JAZF1: variants seen among roughly 807,000 people sequenced by gnomAD.
JAZF1 encodes juxtaposed with another zinc finger protein 1.
A neutral mutation model predicts 26.4 loss-of-function variants in JAZF1; 8 were observed. That is an observed-to-expected ratio of 0.30 (90% CI 0.18 to 0.55). The LOEUF is 0.55. Ranked by LOEUF, JAZF1 falls within the 20% of genes least tolerant of loss-of-function variation. The pLI is 0.94. For synonymous variants in JAZF1, 126 were observed against 122.3 expected, an observed-to-expected ratio of 1.03 and a Z score of -0.20; for missense variants, 199 against 322.0, an observed-to-expected ratio of 0.62 and a Z score of 2.92.
intron 2 of JAZF1, among the ~76,000 whole-genome samples, chr7:27,969,314 A>G (rs185400561): frequency 6.6e-6 from 1 of 152,214 alleles, no homozygotes; most frequent in Non-Finnish European, 1.5e-5. Flanking sequence ...TAGGGGAGAG[A>G]GGACGTTGGC....
intron 1 of JAZF1, among the ~76,000 whole-genome samples, chr7:28,017,418 CTATGTTCTCAAACAA>C (rs1464611737): frequency 1.3e-5 from 2 of 151,596 alleles, no homozygotes; most frequent in Non-Finnish European, 2.9e-5. Context: ...GCTAGATCCT[CTATGTTCTCAAACAA>C]TAAGGGCTGT....
At chr7:28,095,357 C>T (rs545933898) in intron 1 of JAZF1, among the ~76,000 whole-genome samples, 3 of 152,010 alleles carry the variant, frequency 2.0e-5, no homozygotes, top group African/African-American at 7.3e-5. Context: ...ACGATCATGG[C>T]GGATGGTGAA....
intron 1 of JAZF1, among the ~76,000 whole-genome samples, chr7:28,151,111 ATT>A (rs57384411): frequency 0.042 from 6,042 of 143,846 alleles, 174 homozygotes; most frequent in Non-Finnish European, 0.065. Flanking sequence ...ATATATATAT[ATT>A]TTTTTTTTGA....
At chr7:28,060,764 A>C (rs999734956) in intron 1 of JAZF1, among the ~76,000 whole-genome samples, 1 of 152,176 alleles carries the variant, frequency 6.6e-6, no homozygotes, top group African/African-American at 2.4e-5. Context: ...ATACAGTTCA[A>C]CTTGGGTGGG....
chr7:28,041,417 AT>A (rs1196343726), intron 1 of JAZF1, among the ~76,000 whole-genome samples: 1 of 152,114 alleles, frequency 6.6e-6, no homozygotes, highest in African/African-American at 2.4e-5. Flanking sequence ...AAAAGGTGAC[AT>A]TTTTTAAAAG....
chr7:28,018,811 C>T (rs1243959987), intron 1 of JAZF1, among the ~76,000 whole-genome samples: 1 of 152,200 alleles, frequency 6.6e-6, no homozygotes, highest in Non-Finnish European at 1.5e-5. Context: ...ATTCTATAAA[C>T]TTCGCTCCAT....
At chr7:27,905,484 T>TA (rs899414614) in intron 2 of JAZF1, among the ~76,000 whole-genome samples, 1 of 151,282 alleles carries the variant, frequency 6.6e-6, no homozygotes, top group Non-Finnish European at 1.5e-5. Context: ...GGGGTAAGGA[T>TA]AAAAAAAGAT....
intron 2 of JAZF1, among the ~76,000 whole-genome samples, chr7:27,915,363 T>G (rs1241608136): frequency 6.6e-6 from 1 of 152,238 alleles, no homozygotes. Context: ...TCAGCTTAGC[T>G]CAGCCTGACT....
chr7:28,017,500 T>C (rs1782916714), intron 1 of JAZF1, among the ~76,000 whole-genome samples: 1 of 152,172 alleles, frequency 6.6e-6, no homozygotes, highest in African/African-American at 2.4e-5. Context: ...CCAATTCTGT[T>C]GAACAAAAAA....
At chr7:28,173,729 G>T (rs1783507890) in intron 1 of JAZF1, among the ~76,000 whole-genome samples, 3 of 151,942 alleles carry the variant, frequency 2.0e-5, no homozygotes, top group Non-Finnish European at 4.4e-5. Context: ...GCCGTCAGGG[G>T]ACTATCAGTG....
chr7:27,963,568 C>CTTTT (rs1481483685), intron 2 of JAZF1, among the ~76,000 whole-genome samples: 1 of 111,352 alleles, frequency 9.0e-6, no homozygotes, highest in African/African-American at 3.8e-5. Context: ...TCCCCCCCCC[C>CTTTT]CTTTTTTTTT....
intron 1 of JAZF1, among the ~76,000 whole-genome samples, chr7:28,044,073 C>T (rs1399419288): frequency 6.6e-6 from 1 of 152,084 alleles, no homozygotes; most frequent in Admixed American, 6.6e-5. Flanking sequence ...GATGGTTGTA[C>T]ATTACTGTAA....
chr7:27,871,825 T>C (rs1783588452), intron 3 of JAZF1, among the ~76,000 whole-genome samples: 1 of 152,174 alleles, frequency 6.6e-6, no homozygotes, highest in African/African-American at 2.4e-5. Flanking sequence ...GGCAGAACTT[T>C]TTCTGCCTCA....
chr7:28,063,761 T>C (rs1783836268), intron 1 of JAZF1, among the ~76,000 whole-genome samples: 1 of 152,132 alleles, frequency 6.6e-6, no homozygotes, highest in Non-Finnish European at 1.5e-5. Flanking sequence ...CAAGCAAATA[T>C]CTGGGATTAC....
At chr7:28,112,503 T>C (rs545572849) in intron 1 of JAZF1, among the ~76,000 whole-genome samples, 2 of 152,382 alleles carry the variant, frequency 1.3e-5, no homozygotes, top group East Asian at 3.9e-4. Flanking sequence ...CAAAAGTTTA[T>C]TGCCAAAAGC....
intron 1 of JAZF1, among the ~76,000 whole-genome samples, chr7:27,993,453 C>T (rs1362457704): frequency 6.6e-6 from 1 of 152,182 alleles, no homozygotes. Context: ...TCAAACGTAA[C>T]TCTTACTCAC....
chr7:27,964,771 T>C (rs762004316), intron 2 of JAZF1, among the ~76,000 whole-genome samples: 1 of 151,898 alleles, frequency 6.6e-6, no homozygotes, highest in Non-Finnish European at 1.5e-5. Flanking sequence ...CAAAGGCTAG[T>C]TGGGTCACCT....
intron 2 of JAZF1, among the ~76,000 whole-genome samples, chr7:27,931,788 G>A (rs746713263): frequency 1.6e-4 from 24 of 152,078 alleles, no homozygotes; most frequent in African/African-American, 2.2e-4. Context: ...CCTGGGAGAC[G>A]TGCTGGAACC....
chr7:28,151,098 T>C (rs551660371), intron 1 of JAZF1, among the ~76,000 whole-genome samples: 60 of 84,094 alleles, frequency 7.1e-4, no homozygotes, highest in Admixed American at 5.2e-4. Context: ...ATTTTCGATA[T>C]ATATATATAT....
Sources: allele counts gnomAD v4.1 joint callset (sites outside exome capture counted in the v4.1 genomes callset), GRCh38; gene constraint gnomAD v4.1.1; transcripts MANE v1.5; gene names NCBI Gene and HGNC (gene_info 2026-07-23, HGNC 2026-07-21).